The following DNAH10 variants were observed in gnomAD, a reference collection of about 807,000 sequenced individuals.
DNAH10 encodes dynein axonemal heavy chain 10, also known as axonemal beta dynein heavy chain 10.
DNAH10 carries 348 observed loss-of-function variants against 506.6 expected under a neutral mutation model. That is an observed-to-expected ratio of 0.69 (90% CI 0.63 to 0.75). The LOEUF (loss-of-function observed/expected upper bound fraction) is 0.75. Among genes scored for constraint, DNAH10 ranks in the 30% least tolerant of loss-of-function variants. The probability of loss-of-function intolerance (pLI) is 0.00; values close to 1 mark genes in which losing one functional copy is unlikely to be tolerated. For missense variants in DNAH10, 5,179 were observed against 5,787.1 expected, an observed-to-expected ratio of 0.89 and a Z score of 3.41; for synonymous variants, 2,059 against 2,198.6, an observed-to-expected ratio of 0.94 and a Z score of 1.78.
At position 123,919,078 on chromosome 12, in the gene DNAH10, T is replaced by A; in HGVS notation, c.11506+129T>A. ...TTTTTCTTTTTTCTTTCTTTCTTTC[T>A]TTTTCTTTTTTTTTTGAGATAGGGT... On this transcript the variant is annotated intron_variant, in intron 65 of 78. Transcript: ENST00000673944. The surrounding 1 kb of genome is among the most constrained non-coding windows in gnomAD (Gnocchi z 4.9). The A allele has an allele frequency of 8.2e-7, 1 of 1,224,786 alleles. No individual in the cohort carries two copies. The highest frequency in any genetic ancestry group is 1.8e-5 in the South Asian group (1 of 56,694). The allele number at this position is 1,224,786 out of a possible 1,614,324, so 75.9% of individuals were successfully genotyped here.
intron 30 of DNAH10, 48 bp downstream of exon 30, chr12:123,841,593 A>G (rs372422757): frequency 2.5e-5 from 38 of 1,549,666 alleles, no homozygotes; most frequent in African/African-American, 2.4e-4. Context: ...ATTCATAGTC[A>G]TAATGGATTA....
Position 123,926,596 on chromosome 12 carries a change from GTCCTCGCGGGA to G in DNAH10, c.11922-40_11922-30del, listed in dbSNP as rs1205785272. 1 of 1,596,740 alleles carries G rather than the reference GTCCTCGCGGGA, an allele frequency of 6.3e-7. No individual in the cohort carries two copies. The highest frequency in any genetic ancestry group is 8.5e-7 in the Non-Finnish European group (1 of 1,170,996). On this transcript the variant is annotated intron_variant, in intron 68 of 78. Coordinates refer to ENST00000673944, the MANE Select transcript of DNAH10 (RefSeq NM_001372106.1). The surrounding 1 kb of genome is among the most constrained non-coding windows in gnomAD (Gnocchi z 4.1). ...ACAGACCAGCCCCTGGTCTGGAGCT[GTCCTCGCGGGA>G]GAGTTTTCTGACTGTGTTTCTTTCA...
At chr12:123,844,139 AAGAG>A (rs373370726) in intron 30 of DNAH10, among the ~76,000 whole-genome samples, 1 of 151,906 alleles carries the variant, frequency 6.6e-6, no homozygotes, top group African/African-American at 2.4e-5. Context: ...GGTGGCGGGA[AAGAG>A]AGAGAGAGAA....
intron 12 of DNAH10, among the ~76,000 whole-genome samples, chr12:123,796,412 A>G (rs1284299434): frequency 2.0e-5 from 3 of 152,144 alleles, no homozygotes; most frequent in Admixed American, 6.6e-5. Flanking sequence ...AGCCGAGATC[A>G]TGCCACTGCA....
intron 24 of DNAH10, among the ~76,000 whole-genome samples, chr12:123,821,228 C>T (rs1004214420): frequency 4.0e-5 from 6 of 149,524 alleles, no homozygotes; most frequent in Admixed American, 6.7e-5. Flanking sequence ...CCAGCCTGGG[C>T]GACAAGAGCG....
intron 25 of DNAH10, among the ~76,000 whole-genome samples, chr12:123,829,709 C>T (rs1040189643): frequency 6.6e-6 from 1 of 151,084 alleles, no homozygotes. Flanking sequence ...TTTCCATGGC[C>T]GTGTGTGTGT....
intron 6 of DNAH10, 132 bp downstream of exon 6, chr12:123,781,431 C>T: frequency 1.2e-6 from 1 of 851,112 alleles, no homozygotes. Context: ...GACGGGGTCT[C>T]ACTTTGTCGC....
intron 28 of DNAH10, among the ~76,000 whole-genome samples, chr12:123,836,311 G>A (rs1961121346): frequency 6.6e-6 from 1 of 152,230 alleles, no homozygotes; most frequent in South Asian, 2.1e-4. Flanking sequence ...ATTCCAGGGA[G>A]TGGGCTGACA....
In DNAH10 at chr12:123,799,317, G is replaced by T; in HGVS notation, c.2235G>T (p.Met745Ile). The change falls in exon 14 of 79, where the codon ATG becomes ATT. Residue 745 changes from methionine to isoleucine, a missense_variant. Around this residue, in one of 3 missense-constraint regions of DNAH10, gnomAD observed 4,844 missense variants for 5,430.5 expected, o/e 0.89. Transcript: ENST00000673944. Reference sequence around the variant, plus strand: ...AAGACAGAAAGTATGAGCAGTGGATGGAGGTGACGGAGCAGGTGCTGCCAG... The same window carrying T: ...AAGACAGAAAGTATGAGCAGTGGATTGAGGTGACGGAGCAGGTGCTGCCAG... ...EYEDRKYEQW[M>I]EVTEQVLPAL... 6.2e-7 allele frequency: 1 copy of T among 1,613,898 alleles called. No homozygotes were observed. Among genetic ancestry groups the T allele is most frequent in the South Asian group, 1.1e-5 (1 of 91,070 alleles).
chr12:123,847,194 GTATC>G (rs1950984509), intron 32 of DNAH10, among the ~76,000 whole-genome samples: 1 of 127,456 alleles, frequency 7.8e-6, no homozygotes, highest in African/African-American at 2.8e-5. Flanking sequence ...ATCCATCCAT[GTATC>G]TATCCATCCA....
In DNAH10 at chr12:123,789,959, A is replaced by G; in HGVS notation, c.1653A>G (p.Pro551=). 6.2e-7 allele frequency: 1 copy of G among 1,613,952 alleles called. No individual in the cohort carries two copies. The highest frequency in any genetic ancestry group is 1.1e-5 in the South Asian group (1 of 91,002). ...ILEEFYNIFG[P]ELKAVTGDPK... is the part of the protein sequence containing the mutation. ...AGGAATTTTATAACATATTTGGTCC[A>G]GAACTAAAGGCAGTGACGGGGGACC... Residue 551 remains proline (P), a synonymous_variant, in exon 11 of 79, where the codon CCA becomes CCG. Transcript: ENST00000673944.
At chr12:123,864,764 A>G (rs1169884686) in intron 40 of DNAH10, 34 bp downstream of exon 40, 3 of 1,576,692 alleles carry the variant, frequency 1.9e-6, no homozygotes, top group Non-Finnish European at 2.6e-6. Context: ...TTGAACATAA[A>G]TCTTTCTTGT....
At chr12:123,782,411 C>CTT (rs935250437) in intron 6 of DNAH10, among the ~76,000 whole-genome samples, 25 of 86,042 alleles carry the variant, frequency 2.9e-4, no homozygotes, top group South Asian at 3.9e-4. Context: ...TTCTTTCTTT[C>CTT]TTTTTTTTTT....
At chr12:123,779,410 C>T (rs924554456) in intron 5 of DNAH10, among the ~76,000 whole-genome samples, 4 of 152,058 alleles carry the variant, frequency 2.6e-5, no homozygotes, top group Non-Finnish European at 4.4e-5. Flanking sequence ...GATAGGGGAC[C>T]ACTGTACTAT....
Position 123,931,958 on chromosome 12 carries a change from T to TG in DNAH10, c.13148dup (p.Met4384AsnfsTer4), listed in dbSNP as rs762543684. 1 of 1,613,992 alleles carries TG rather than the reference T, an allele frequency of 6.2e-7. No homozygotes were observed. The highest frequency in any genetic ancestry group is 1.7e-5 in the Admixed American group (1 of 60,028). ...CTAAATAGGCCTTGGCTGGAGAAGTTGGAATGAGCAATGAGTTAGATGATG... is the reference window on the plus strand; with the variant it reads ...CTAAATAGGCCTTGGCTGGAGAAGTTGGGAATGAGCAATGAGTTAGATGATG... On this transcript the variant is annotated frameshift_variant, in exon 76 of 79. Transcript: ENST00000673944. LOFTEE classifies it high-confidence loss of function.
At chr12:123,765,883 TCTAC>T (rs1957026006) in intron 1 of DNAH10, among the ~76,000 whole-genome samples, 1 of 151,526 alleles carries the variant, frequency 6.6e-6, no homozygotes, top group Non-Finnish European at 1.5e-5. Flanking sequence ...CTGTCTCCTG[TCTAC>T]CTACCTAATT....
chr12:123,783,298 C>T, intron 7 of DNAH10, 34 bp downstream of exon 7: 1 of 1,608,046 alleles, frequency 6.2e-7, no homozygotes, highest in Non-Finnish European at 8.5e-7. Flanking sequence ...GAGCCCCGAT[C>T]CAGGTCATGC....
intron 19 of DNAH10, among the ~76,000 whole-genome samples, chr12:123,812,920 A>G (rs1293537478): frequency 2.6e-5 from 4 of 152,164 alleles, no homozygotes; most frequent in South Asian, 4.1e-4. Context: ...GAATTTGCAT[A>G]ATACCATGTC....
In DNAH10 at chr12:123,928,380, G is replaced by A. The variant is rs567680731; in HGVS notation, c.12106-7G>A. 32 of 1,583,084 alleles carry A rather than the reference G, an allele frequency of 2.0e-5. No individual in the cohort carries two copies. The highest frequency in any genetic ancestry group is 4.6e-5 in the South Asian group (4 of 86,568). ...ACCCCTCTCCTCTTCCCTCTCCCCC[G>A]GCGCAGGTGGCCCTGCAGCTGCTGG... is the stretch of plus-strand genomic sequence containing the variant. On this transcript the variant is annotated splice_polypyrimidine_tract_variant and splice_region_variant and intron_variant, in intron 69 of 78. Coordinates refer to ENST00000673944, the MANE Select transcript of DNAH10 (RefSeq NM_001372106.1). This position sits in a 1 kb window ranked among gnomAD's most constrained non-coding sequence, Gnocchi z 4.9.
Sources: allele counts gnomAD v4.1 joint callset (sites outside exome capture counted in the v4.1 genomes callset), GRCh38; gene constraint gnomAD v4.1.1; regional missense constraint gnomAD v4.1.1; non-coding constraint Gnocchi (gnomAD v3.1); transcripts MANE v1.5; gene names NCBI Gene and HGNC (gene_info 2026-07-23, HGNC 2026-07-21).